Variants in MBD5 observed in about 807,000 individuals in gnomAD.
MBD5 encodes methyl-CpG binding domain protein 5.
MBD5 carries 13 observed loss-of-function variants against 117.3 expected under a neutral mutation model. The ratio of observed to expected loss-of-function variants is 0.11; its 90% CI spans 0.07 to 0.18. The LOEUF (loss-of-function observed/expected upper bound fraction) is 0.18, where lower values mean the gene tolerates loss of function less well. Ranked by LOEUF, MBD5 falls within the 10% of genes least tolerant of loss-of-function variation. The pLI, the probability that MBD5 is intolerant of heterozygous loss-of-function variation, is 1.00. For synonymous variants in MBD5, 727 were observed against 766.4 expected (o/e 0.95, Z 0.85); for missense variants, 1,879 against 2,093.8 (o/e 0.90, Z 2.00).
At chr2:148,484,776 G>A (rs934777476) in intron 9 of MBD5, among the ~76,000 whole-genome samples, 29 of 151,974 alleles carry the variant, frequency 1.9e-4, no homozygotes, top group Non-Finnish European at 1.0e-4. Flanking sequence ...AAAATAGTTC[G>A]AAAATAATGC....
At chr2:148,177,171 A>T (rs1182112593) in intron 1 of MBD5, among the ~76,000 whole-genome samples, 1 of 152,202 alleles carries the variant, frequency 6.6e-6, no homozygotes, top group Admixed American at 6.5e-5. Context: ...AAAGATTAGA[A>T]ATATAATCTT....
intron 3 of MBD5, among the ~76,000 whole-genome samples, chr2:148,298,066 C>T (rs552067105): frequency 5.9e-5 from 9 of 152,286 alleles, no homozygotes; most frequent in Admixed American, 5.2e-4. Context: ...AATCTCTTGG[C>T]TTGCTTCTCC....
chr2:148,266,506 A>G (rs1247509482), intron 3 of MBD5, among the ~76,000 whole-genome samples: 3 of 152,096 alleles, frequency 2.0e-5, no homozygotes, highest in African/African-American at 7.2e-5. Context: ...ACTTGTCAAC[A>G]TTATACTAGA....
At chr2:148,185,897 C>A (rs1261213686) in intron 2 of MBD5, among the ~76,000 whole-genome samples, 1 of 151,960 alleles carries the variant, frequency 6.6e-6, no homozygotes, top group Non-Finnish European at 1.5e-5. Context: ...TTTAAAATGT[C>A]TTGTAATTAT....
chr2:148,101,750 T>A (rs775311647), intron 1 of MBD5, among the ~76,000 whole-genome samples: 1 of 152,190 alleles, frequency 6.6e-6, no homozygotes, highest in Non-Finnish European at 1.5e-5. Context: ...AATATTAAAC[T>A]AGAAAAATTG....
intron 4 of MBD5, among the ~76,000 whole-genome samples, chr2:148,411,407 T>C (rs957797814): frequency 2.0e-5 from 3 of 152,262 alleles, no homozygotes; most frequent in South Asian, 4.1e-4. Context: ...TTTTATGTTC[T>C]TTGAGAAGTC....
At chr2:148,061,055 T>C (rs1695023017) in intron 1 of MBD5, among the ~76,000 whole-genome samples, 1 of 152,124 alleles carries the variant, frequency 6.6e-6, no homozygotes, top group Non-Finnish European at 1.5e-5. Flanking sequence ...TGAAATAGTT[T>C]TTGCGGTTTA....
At chr2:148,156,972 G>A (rs1351060204) in intron 1 of MBD5, among the ~76,000 whole-genome samples, 1 of 152,074 alleles carries the variant, frequency 6.6e-6, no homozygotes, top group Non-Finnish European at 1.5e-5. Context: ...TACTTCATAA[G>A]TGCTTGTCCC....
chr2:148,201,615 T>C (rs78183572), intron 2 of MBD5, among the ~76,000 whole-genome samples: 8,089 of 152,080 alleles, frequency 0.053, 376 homozygotes, highest in African/African-American at 0.12. Flanking sequence ...CCGCGTTCAG[T>C]CGGTCCGAAG....
At chr2:148,272,463 C>T (rs905271715) in intron 3 of MBD5, among the ~76,000 whole-genome samples, 33 of 152,048 alleles carry the variant, frequency 2.2e-4, no homozygotes, top group African/African-American at 7.5e-4. Flanking sequence ...GTTTGTTTTT[C>T]GTAATAGCTA....
intron 4 of MBD5, among the ~76,000 whole-genome samples, chr2:148,366,458 T>C (rs531283954): frequency 6.6e-6 from 1 of 152,156 alleles, no homozygotes; most frequent in African/African-American, 2.4e-5. Flanking sequence ...TTCAACATAG[T>C]GTTGGAAGTT....
chr2:148,259,318 C>T (rs1234718481), intron 3 of MBD5, among the ~76,000 whole-genome samples: 2 of 152,144 alleles, frequency 1.3e-5, no homozygotes, highest in African/African-American at 4.8e-5. Context: ...TCCAACTCTG[C>T]AAGCAAAGAC....
intron 3 of MBD5, among the ~76,000 whole-genome samples, chr2:148,261,563 CT>C (rs1257988846): frequency 2.0e-5 from 3 of 152,196 alleles, no homozygotes; most frequent in Admixed American, 1.3e-4. Flanking sequence ...CTGAATTAGA[CT>C]TTATTTTAAG....
At chr2:148,165,306 G>A (rs1698101383) in intron 1 of MBD5, among the ~76,000 whole-genome samples, 1 of 151,990 alleles carries the variant, frequency 6.6e-6, no homozygotes, top group Admixed American at 6.6e-5. Context: ...AGAATGAAAT[G>A]AATTAAATAT....
At chr2:148,300,798 A>G (rs1701762954) in intron 3 of MBD5, among the ~76,000 whole-genome samples, 1 of 152,218 alleles carries the variant, frequency 6.6e-6, no homozygotes, top group Admixed American at 6.5e-5. Context: ...GAGACATGAA[A>G]AAAATGTAGA....
chr2:148,501,017 T>C (rs983732241), intron 11 of MBD5, among the ~76,000 whole-genome samples: 1 of 152,200 alleles, frequency 6.6e-6, no homozygotes, highest in Non-Finnish European at 1.5e-5. Context: ...TGGAACAAAG[T>C]TGTCTCTTGT....
intron 1 of MBD5, among the ~76,000 whole-genome samples, chr2:148,035,954 ATTAG>A (rs1436004522): frequency 1.3e-5 from 2 of 152,202 alleles, no homozygotes; most frequent in African/African-American, 2.4e-5. Context: ...TTGTCTTTAT[ATTAG>A]TTGTACTATA....
chr2:148,046,926 A>G (rs545579449), intron 1 of MBD5, among the ~76,000 whole-genome samples: 1 of 152,182 alleles, frequency 6.6e-6, no homozygotes, highest in South Asian at 2.1e-4. Context: ...ATCTTATGTC[A>G]ACTTAGACCT....
chr2:148,146,655 A>G (rs1574063946), intron 1 of MBD5, among the ~76,000 whole-genome samples: 2 of 151,978 alleles, frequency 1.3e-5, no homozygotes, highest in South Asian at 4.1e-4. Context: ...TTTCAATTGT[A>G]TTTGGGAGCT....
Sources: gnomAD v4.1 joint callset for allele counts (sites outside exome capture counted in the v4.1 genomes callset) on GRCh38, gnomAD v4.1.1 for gene constraint, MANE v1.5 for transcripts, NCBI Gene and HGNC (gene_info 2026-07-23, HGNC 2026-07-21) for gene names.